Variants in RFX3 observed in about 807,000 individuals in gnomAD.
RFX3 encodes regulatory factor X3, also known as transcription factor RFX3.
A neutral mutation model predicts 98.6 loss-of-function variants in RFX3; 14 were observed. That is an observed-to-expected ratio of 0.14 (90% CI 0.09 to 0.22). The LOEUF (loss-of-function observed/expected upper bound fraction) is 0.22, where lower values mean the gene tolerates loss of function less well. Ranked by LOEUF, RFX3 falls within the 10% of genes least tolerant of loss-of-function variation. The probability of loss-of-function intolerance (pLI) is 1.00; values close to 1 mark genes in which losing one functional copy is unlikely to be tolerated. For synonymous variants in RFX3, 383 were observed against 328.4 expected, an observed-to-expected ratio of 1.17 and a Z score of -1.80; for missense variants, 639 against 926.9, an observed-to-expected ratio of 0.69 and a Z score of 4.03.
At chr9:3,346,466 G>C (rs889348490) in intron 3 of RFX3, among the ~76,000 whole-genome samples, 3 of 152,024 alleles carry the variant, frequency 2.0e-5, no homozygotes, top group African/African-American at 7.2e-5. Flanking sequence ...ATATCCTATG[G>C]GGTTAAGTGA....
intron 4 of RFX3, among the ~76,000 whole-genome samples, chr9:3,327,749 C>T (rs1360090328): frequency 6.6e-6 from 1 of 151,574 alleles, no homozygotes; most frequent in African/African-American, 2.4e-5. Context: ...TCAACTATTC[C>T]CAGTTTTTAT....
At chr9:3,292,697 T>A (rs1827540824) in intron 6 of RFX3, among the ~76,000 whole-genome samples, 2 of 151,986 alleles carry the variant, frequency 1.3e-5, no homozygotes, top group South Asian at 4.1e-4. Context: ...GTCACTTAAC[T>A]CATCATCATT....
At chr9:3,443,402 G>C (rs1378079677) in intron 1 of RFX3, among the ~76,000 whole-genome samples, 1 of 152,074 alleles carries the variant, frequency 6.6e-6, no homozygotes, top group Non-Finnish European at 1.5e-5. Context: ...TCCCCTCCAT[G>C]TGTCCATGCG....
At chr9:3,310,196 G>C (rs987784013) in intron 4 of RFX3, among the ~76,000 whole-genome samples, 1 of 152,134 alleles carries the variant, frequency 6.6e-6, no homozygotes, top group Admixed American at 6.6e-5. Flanking sequence ...ATGGGAAGAG[G>C]TGTTGAGTCT....
chr9:3,483,676 T>A (rs954401654), intron 1 of RFX3, among the ~76,000 whole-genome samples: 1 of 152,196 alleles, frequency 6.6e-6, no homozygotes, highest in Non-Finnish European at 1.5e-5. Flanking sequence ...TATGCTTTCC[T>A]CTATTAGTAA....
chr9:3,346,046 A>G (rs551722281), intron 3 of RFX3, among the ~76,000 whole-genome samples: 1 of 152,210 alleles, frequency 6.6e-6, no homozygotes, highest in Non-Finnish European at 1.5e-5. Context: ...TGCGACTTAC[A>G]ATAATTCTTA....
rs1312848978 is a variant in RFX3 at position 3,355,829 on chromosome 9, G to A, written c.118-9065C>T. On this transcript the variant is annotated intron_variant, in intron 2 of 16. Coordinates refer to ENST00000617270, the MANE Select transcript of RFX3 (RefSeq NM_001282116.2). Reference sequence around the variant, plus strand: ...AATTTAAAAGTATTAAAACAATACAGAGCATGCTCTCTGACCAAAAACATT... The same window carrying A: ...AATTTAAAAGTATTAAAACAATACAAAGCATGCTCTCTGACCAAAAACATT... Among the ~76,000 whole-genome samples, 6 of 151,840 alleles carry A rather than the reference G, an allele frequency of 4.0e-5. No homozygotes were observed. In the South Asian group the frequency reaches 6.2e-4, roughly 16 times the overall value.
chr9:3,407,308 A>C (rs1842054181), intron 1 of RFX3, among the ~76,000 whole-genome samples: 1 of 152,200 alleles, frequency 6.6e-6, no homozygotes, highest in Admixed American at 6.5e-5. Flanking sequence ...TAACACATTT[A>C]TGTAAGGACT....
chr9:3,402,981 G>A (rs1343362960), intron 1 of RFX3, among the ~76,000 whole-genome samples: 1 of 151,852 alleles, frequency 6.6e-6, no homozygotes, highest in Non-Finnish European at 1.5e-5. Context: ...ATGGGGCATA[G>A]TAGAAATTAT....
At chr9:3,243,276 A>T (rs768664485) in intron 15 of RFX3, among the ~76,000 whole-genome samples, 1 of 151,620 alleles carries the variant, frequency 6.6e-6, no homozygotes, top group Non-Finnish European at 1.5e-5. Flanking sequence ...ATGAAAATTT[A>T]AAAATTATAT....
chr9:3,392,031 G>A (rs967295386), intron 2 of RFX3, among the ~76,000 whole-genome samples: 3 of 152,206 alleles, frequency 2.0e-5, no homozygotes, highest in South Asian at 2.1e-4. Context: ...GCAGGAAGTT[G>A]GACAAGTCTT....
chr9:3,459,587 TATACATA>T (rs1310749953), intron 1 of RFX3, among the ~76,000 whole-genome samples: 4 of 152,124 alleles, frequency 2.6e-5, no homozygotes, highest in African/African-American at 7.2e-5. Context: ...TAAGTGAAAG[TATACATA>T]ATACATAACA....
At chr9:3,239,250 T>C (rs1318681131) in intron 15 of RFX3, among the ~76,000 whole-genome samples, 1 of 152,244 alleles carries the variant, frequency 6.6e-6, no homozygotes, top group Non-Finnish European at 1.5e-5. Context: ...TTTATAATAT[T>C]TGCAAGGATT....
intron 2 of RFX3, among the ~76,000 whole-genome samples, chr9:3,379,626 T>C (rs1838951047): frequency 6.6e-6 from 1 of 152,092 alleles, no homozygotes; most frequent in Admixed American, 6.5e-5. Flanking sequence ...TAGATTCAAT[T>C]TGTAGTTTCA....
At chr9:3,488,264 T>C (rs1850441107) in intron 1 of RFX3, among the ~76,000 whole-genome samples, 1 of 152,202 alleles carries the variant, frequency 6.6e-6, no homozygotes, top group Admixed American at 6.5e-5. Flanking sequence ...CCTATTACTT[T>C]ACCAAGAGAA....
chr9:3,330,019 C>T (rs1214079624), intron 4 of RFX3, among the ~76,000 whole-genome samples: 1 of 152,142 alleles, frequency 6.6e-6, no homozygotes, highest in Non-Finnish European at 1.5e-5. Flanking sequence ...ATGAGTAAAA[C>T]TCACCTTTCT....
chr9:3,233,575 G>C (rs1456438003), intron 15 of RFX3, among the ~76,000 whole-genome samples: 1 of 152,178 alleles, frequency 6.6e-6, no homozygotes, highest in Admixed American at 6.5e-5. Flanking sequence ...AAGTAGGAGA[G>C]AAGGAAAGAG....
chr9:3,447,442 A>C (rs1211806504), intron 1 of RFX3, among the ~76,000 whole-genome samples: 1 of 152,210 alleles, frequency 6.6e-6, no homozygotes, highest in Non-Finnish European at 1.5e-5. Context: ...CTTTGGGCTA[A>C]GACATCCATT....
chr9:3,390,676 C>T (rs966410756), intron 2 of RFX3, among the ~76,000 whole-genome samples: 1 of 152,106 alleles, frequency 6.6e-6, no homozygotes, highest in South Asian at 2.1e-4. Context: ...CTTATGAGAT[C>T]TGATGGTTTT....
Sources: gnomAD v4.1 joint callset for allele counts (sites outside exome capture counted in the v4.1 genomes callset) on GRCh38, gnomAD v4.1.1 for gene constraint, MANE v1.5 for transcripts, NCBI Gene and HGNC (gene_info 2026-07-23, HGNC 2026-07-21) for gene names.